Variants in TENM3 observed in about 807,000 individuals in gnomAD.
TENM3 encodes teneurin transmembrane protein 3.
In TENM3, 63 loss-of-function variants were observed where a neutral mutation model predicts 255.1. The observed-to-expected ratio is 0.25, with a 90% CI of 0.20 to 0.30. The LOEUF (loss-of-function observed/expected upper bound fraction) is 0.30, where lower values mean the gene tolerates loss of function less well. Ranked by LOEUF, TENM3 falls within the 10% of genes least tolerant of loss-of-function variation. The pLI is 1.00. For missense variants in TENM3, 2,929 were observed against 3,461.1 expected, an observed-to-expected ratio of 0.85 and a Z score of 3.86; for synonymous variants, 1,306 against 1,322.3, an observed-to-expected ratio of 0.99 and a Z score of 0.27.
At chr4:182,467,177 G>A (rs993585651) in intron 3 of TENM3, among the ~76,000 whole-genome samples, 1 of 151,926 alleles carries the variant, frequency 6.6e-6, no homozygotes, top group African/African-American at 2.4e-5. Flanking sequence ...ACCTTCTGGT[G>A]GTAAATTAAG....
chr4:181,962,401 G>A, the TENM3 span, among the ~76,000 whole-genome samples: 38 of 152,288 alleles, frequency 2.5e-4, no homozygotes, highest in Non-Finnish European at 4.3e-4. Context: ...CCTCTCTGTT[G>A]CATGCAATCA....
the TENM3 span, among the ~76,000 whole-genome samples, chr4:181,556,518 TC>T: frequency 6.6e-6 from 1 of 152,206 alleles, no homozygotes; most frequent in African/African-American, 2.4e-5. Context: ...GCTTTTTTAT[TC>T]GTTAAAGACT....
At chr4:182,273,592 C>T (rs910902160) in intron 1 of TENM3, among the ~76,000 whole-genome samples, 37 of 152,114 alleles carry the variant, frequency 2.4e-4, no homozygotes, top group African/African-American at 8.5e-4. Flanking sequence ...TTGATTGTAC[C>T]GCATTTCATT....
intron 3 of TENM3, among the ~76,000 whole-genome samples, chr4:182,462,287 G>A (rs1200516214): frequency 6.6e-6 from 1 of 151,874 alleles, no homozygotes; most frequent in African/African-American, 2.4e-5. Flanking sequence ...TCAAACTCCT[G>A]GGCTCAAACA....
intron 3 of TENM3, among the ~76,000 whole-genome samples, chr4:182,528,923 T>C (rs1739497452): frequency 6.6e-6 from 1 of 152,252 alleles, no homozygotes; most frequent in East Asian, 1.9e-4. Flanking sequence ...ACAAGCTGGA[T>C]TTAAAAGATT....
rs143833885 is a variant in TENM3 at position 182,224,031 on chromosome 4, G to T, written c.-76+79277G>T. 2.9e-3 allele frequency among the ~76,000 whole-genome samples: 444 copies of T among 152,250 alleles called. 2 individuals are homozygous for T. Among genetic ancestry groups the T allele is most frequent in the African/African-American group, 8.8e-3 (365 of 41,556 alleles). ...TCCAAAACTTGAATTTCTGAAAAAT[G>T]ATTATGGTGTGGCTTATTTTATGTA... On this transcript the variant is annotated intron_variant, in intron 1 of 2. Coordinates refer to the TENM3 transcript ENST00000512480.
At chr4:181,608,696 A>G in the TENM3 span, among the ~76,000 whole-genome samples, 4 of 152,200 alleles carry the variant, frequency 2.6e-5, no homozygotes, top group Non-Finnish European at 5.9e-5. Flanking sequence ...TTTGGTGTGT[A>G]GAAGATCCTT....
the TENM3 span, among the ~76,000 whole-genome samples, chr4:181,862,131 T>A: frequency 6.6e-6 from 1 of 152,266 alleles, no homozygotes; most frequent in African/African-American, 2.4e-5. Flanking sequence ...CAAAGTGATA[T>A]CTCTTCAAAG....
At chr4:181,458,145 C>T in the TENM3 span, among the ~76,000 whole-genome samples, 6 of 152,012 alleles carry the variant, frequency 3.9e-5, no homozygotes, top group African/African-American at 1.4e-4. Flanking sequence ...TCTGTATCCT[C>T]ATATATAGTG....
chr4:181,871,931 G>A, the TENM3 span, among the ~76,000 whole-genome samples: 2 of 151,950 alleles, frequency 1.3e-5, no homozygotes, highest in African/African-American at 4.8e-5. Flanking sequence ...ATAAGGTATG[G>A]CTATTTTATG....
At chr4:181,509,696 G>A in the TENM3 span, among the ~76,000 whole-genome samples, 1 of 152,172 alleles carries the variant, frequency 6.6e-6, no homozygotes, top group Non-Finnish European at 1.5e-5. Context: ...TCTGGTCAAA[G>A]CAGTGCATAG....
chr4:182,049,186 A>G, the TENM3 span, among the ~76,000 whole-genome samples: 1 of 152,036 alleles, frequency 6.6e-6, no homozygotes, highest in African/African-American at 2.4e-5. Flanking sequence ...TCTCTGTTCA[A>G]TTACTTACCA....
At chr4:182,034,715 A>G in the TENM3 span, among the ~76,000 whole-genome samples, 4 of 152,302 alleles carry the variant, frequency 2.6e-5, no homozygotes, top group African/African-American at 7.2e-5. Context: ...TCAGCCCCCA[A>G]TATCTTCCAG....
chr4:181,961,328 A>C, the TENM3 span, among the ~76,000 whole-genome samples: 1 of 152,238 alleles, frequency 6.6e-6, no homozygotes, highest in Non-Finnish European at 1.5e-5. Flanking sequence ...ATTTAAAATG[A>C]CCTTGGATCA....
chr4:181,906,982 G>A, the TENM3 span, among the ~76,000 whole-genome samples: 18 of 152,182 alleles, frequency 1.2e-4, no homozygotes, highest in African/African-American at 4.3e-4. Flanking sequence ...GAGTTCAAGC[G>A]ATTCTCCTGC....
At chr4:181,711,217 T>A in the TENM3 span, among the ~76,000 whole-genome samples, 2 of 152,174 alleles carry the variant, frequency 1.3e-5, no homozygotes, top group Non-Finnish European at 2.9e-5. Flanking sequence ...CTAATATAAA[T>A]GTGATTGAAA....
chr4:182,406,117 C>T (rs1284087822), intron 3 of TENM3, among the ~76,000 whole-genome samples: 1 of 151,996 alleles, frequency 6.6e-6, no homozygotes, highest in Non-Finnish European at 1.5e-5. Flanking sequence ...ACCAGCCTGG[C>T]CAAAATGATG....
chr4:182,602,263 G>A (rs1422924173), intron 4 of TENM3, among the ~76,000 whole-genome samples: 1 of 152,122 alleles, frequency 6.6e-6, no homozygotes, highest in Non-Finnish European at 1.5e-5. Context: ...GTTAGGCTTG[G>A]AGAAAAAGAG....
intron 4 of TENM3, among the ~76,000 whole-genome samples, chr4:182,617,743 AC>A (rs1749672021): frequency 6.6e-6 from 1 of 152,212 alleles, no homozygotes; most frequent in South Asian, 2.1e-4. Flanking sequence ...TTATCGATTT[AC>A]CTACATGTGT....
Sources: allele counts gnomAD v4.1 joint callset (sites outside exome capture counted in the v4.1 genomes callset), GRCh38; gene constraint gnomAD v4.1.1; transcripts MANE v1.5; gene names NCBI Gene and HGNC (gene_info 2026-07-23, HGNC 2026-07-21).